ARB2A: variants seen among roughly 807,000 people sequenced by gnomAD.
ARB2A encodes ARB2 cotranscriptional regulator A.
At chr5:94,045,687 T>C in the ARB2A span, among the ~76,000 whole-genome samples, 1 of 152,334 alleles carries the variant, frequency 6.6e-6, no homozygotes, top group South Asian at 2.1e-4. Context: ...CTATTTATTA[T>C]TCAACAAATA....
chr5:93,762,238 C>T, the ARB2A span, among the ~76,000 whole-genome samples: 125 of 151,924 alleles, frequency 8.2e-4, no homozygotes, highest in African/African-American at 2.6e-3. Context: ...AGGCTTCAGA[C>T]GATCAAACTA....
chr5:93,814,064 G>A, the ARB2A span, among the ~76,000 whole-genome samples: 1 of 152,140 alleles, frequency 6.6e-6, no homozygotes, highest in Non-Finnish European at 1.5e-5. Flanking sequence ...CAGTGAGACT[G>A]ACTCTTGATG....
chr5:93,926,847 T>C, the ARB2A span, among the ~76,000 whole-genome samples: 1 of 151,566 alleles, frequency 6.6e-6, no homozygotes, highest in South Asian at 2.1e-4. Context: ...GGAGAGAAAC[T>C]ATACTGCAGA....
the ARB2A span, among the ~76,000 whole-genome samples, chr5:93,724,554 T>C: frequency 2.0e-4 from 31 of 152,196 alleles, no homozygotes; most frequent in East Asian, 5.2e-3. Context: ...TTATGTCTTG[T>C]AATTAATGAA....
At chr5:93,766,019 C>T in the ARB2A span, among the ~76,000 whole-genome samples, 1 of 152,126 alleles carries the variant, frequency 6.6e-6, no homozygotes, top group Non-Finnish European at 1.5e-5. Context: ...ATTCCTTACA[C>T]CTTATACAAA....
chr5:94,002,783 A>AT, the ARB2A span, among the ~76,000 whole-genome samples: 2,653 of 152,154 alleles, frequency 0.017, 83 homozygotes, highest in African/African-American at 0.06. Context: ...CAAGATCCTG[A>AT]TTTATAAGAA....
chr5:93,829,337 C>T, the ARB2A span, among the ~76,000 whole-genome samples: 7 of 152,232 alleles, frequency 4.6e-5, no homozygotes, highest in South Asian at 1.5e-3. Flanking sequence ...TGCATTTGTC[C>T]AGATAGTGAT....
chr5:93,656,640 T>C, the ARB2A span, among the ~76,000 whole-genome samples: 1 of 152,186 alleles, frequency 6.6e-6, no homozygotes, highest in Non-Finnish European at 1.5e-5. Flanking sequence ...ATTTTTACCA[T>C]ATCTTCACAT....
At chr5:93,803,144 A>G in the ARB2A span, among the ~76,000 whole-genome samples, 1 of 152,090 alleles carries the variant, frequency 6.6e-6, no homozygotes, top group African/African-American at 2.4e-5. Flanking sequence ...TTGTGTGCCT[A>G]TCCACGAGGA....
chr5:93,969,569 C>CAA, the ARB2A span, among the ~76,000 whole-genome samples: 1 of 152,006 alleles, frequency 6.6e-6, no homozygotes, highest in Non-Finnish European at 1.5e-5. Context: ...TTTTCCAGCT[C>CAA]AGAGTTTCTG....
the ARB2A span, among the ~76,000 whole-genome samples, chr5:93,693,785 A>G: frequency 6.6e-6 from 1 of 152,334 alleles, no homozygotes; most frequent in African/African-American, 2.4e-5. Flanking sequence ...CGATGCGAAA[A>G]TCTTCAATAA....
the ARB2A span, among the ~76,000 whole-genome samples, chr5:93,875,065 TC>T: frequency 6.6e-6 from 1 of 152,146 alleles, no homozygotes; most frequent in Non-Finnish European, 1.5e-5. Flanking sequence ...CAAGAGATGC[TC>T]CCACCTCAGC....
chr5:93,973,281 A>G, the ARB2A span, among the ~76,000 whole-genome samples: 1 of 151,734 alleles, frequency 6.6e-6, no homozygotes, highest in Non-Finnish European at 1.5e-5. Flanking sequence ...ACTACAATTG[A>G]AAGTCTTAAC....
chr5:93,907,291 T>C, the ARB2A span, among the ~76,000 whole-genome samples: 3 of 151,466 alleles, frequency 2.0e-5, no homozygotes, highest in Non-Finnish European at 4.4e-5. Context: ...ACATTATGAG[T>C]TACAGAAATA....
the ARB2A span, among the ~76,000 whole-genome samples, chr5:93,799,012 C>T: frequency 1.3e-5 from 2 of 152,020 alleles, no homozygotes; most frequent in Non-Finnish European, 2.9e-5. Context: ...AAACTGGTTT[C>T]TTCATGTAGA....
the ARB2A span, among the ~76,000 whole-genome samples, chr5:93,936,501 C>A: frequency 6.6e-6 from 1 of 152,116 alleles, no homozygotes; most frequent in South Asian, 2.1e-4. Context: ...AAATTTTATT[C>A]TCAGAAAGTG....
the ARB2A span, among the ~76,000 whole-genome samples, chr5:93,960,564 A>G: frequency 5.3e-5 from 8 of 152,190 alleles, no homozygotes; most frequent in Non-Finnish European, 1.2e-4. Flanking sequence ...AACCTAGCAC[A>G]TTGTAGGCAC....
chr5:93,975,347 A>T, the ARB2A span, among the ~76,000 whole-genome samples: 2 of 151,380 alleles, frequency 1.3e-5, no homozygotes, highest in South Asian at 4.2e-4. Flanking sequence ...GAAAACAGAA[A>T]AATCTCAAAA....
chr5:94,033,958 G>A, the ARB2A span, among the ~76,000 whole-genome samples: 6 of 152,084 alleles, frequency 3.9e-5, no homozygotes, highest in African/African-American at 1.4e-4. Flanking sequence ...TGTGGGAATG[G>A]GCTAGTTCTC....
Sources: gnomAD v4.1 joint callset for allele counts (sites outside exome capture counted in the v4.1 genomes callset) on GRCh38, gnomAD v4.1.1 for gene constraint, MANE v1.5 for transcripts, NCBI Gene and HGNC (gene_info 2026-07-23, HGNC 2026-07-21) for gene names.